The following SYTL2 variants were observed in gnomAD, a reference collection of about 807,000 sequenced individuals.
The protein encoded by SYTL2 is synaptotagmin-like protein 2.
A neutral mutation model predicts 198.7 loss-of-function variants in SYTL2; 165 were observed. That is an observed-to-expected ratio of 0.83 (90% CI 0.73 to 0.94). The LOEUF (loss-of-function observed/expected upper bound fraction) is 0.94, where lower values mean the gene tolerates loss of function less well. SYTL2 is among the 40% of genes least tolerant of loss of function. The pLI is 0.00. For missense variants in SYTL2, 2,835 were observed against 2,582.8 expected, an observed-to-expected ratio of 1.10 and a Z score of -2.12; for synonymous variants, 966 against 917.7, an observed-to-expected ratio of 1.05 and a Z score of -0.95.
At chr11:85,824,228 G>C in the SYTL2 span, among the ~76,000 whole-genome samples, 1 of 152,138 alleles carries the variant, frequency 6.6e-6, no homozygotes, top group African/African-American at 2.4e-5. Context: ...GAAGATTGGA[G>C]AGGTTAGGAT....
chr11:85,736,579 C>T lies in SYTL2; in HGVS notation c.508G>A (p.Glu170Lys). The T allele has an allele frequency of 1.2e-5, 19 of 1,606,024 alleles. No individual in the cohort carries two copies. The highest frequency in any genetic ancestry group is 1.6e-5 in the Non-Finnish European group (19 of 1,173,928). ...KNPFNSSKLP[E>K]GHSSQQTKNE... ...TTAGTTTGTTGTGATGAGTGACCTT[C>T]TGGCAACTTGGAGCTATTAAACGGA... The change falls in exon 6 of 20, where the codon GAA (glutamate) becomes AAA (lysine). Residue 170 changes from glutamate to lysine, a missense_variant. By Grantham distance (56) the Glu-to-Lys change is moderately conservative. This residue lies in a region of SYTL2 where 2,645 missense variants were observed against 2,381.7 expected (regional missense o/e 1.11). Coordinates refer to ENST00000359152, the MANE Select transcript of SYTL2 (RefSeq NM_206927.4).
chr11:85,748,864 T>A (rs117124089), intron 2 of SYTL2, among the ~76,000 whole-genome samples: 10,863 of 152,246 alleles, frequency 0.071, 694 homozygotes, highest in Non-Finnish European at 0.096. Flanking sequence ...ATTCAATAGC[T>A]CTCTGCACCT....
chr11:85,727,756 G>T lies in SYTL2; in HGVS notation c.1602C>A (p.Asp534Glu), dbSNP rs1165521392. 2 of 1,560,942 alleles carry T rather than the reference G, an allele frequency of 1.3e-6. No individual in the cohort carries two copies. The highest frequency in any genetic ancestry group is 1.7e-6 in the Non-Finnish European group (2 of 1,152,044). Reference sequence around the variant, plus strand: ...GGGGATGTTGGAGGAATGACTTATTGTCATCTGAATAAGAACTTCGGTTAA... The same window carrying T: ...GGGGATGTTGGAGGAATGACTTATTTTCATCTGAATAAGAACTTCGGTTAA... Reference protein sequence around the residue: ...DWFNRSSYSDDNKSFLQHPRG... With the variant: ...DWFNRSSYSDENKSFLQHPRG... The change falls in exon 8 of 20, where the codon GAC (aspartate) becomes GAA (glutamate). Residue 534 changes from aspartate to glutamate, a missense_variant. Around this residue, in one of 3 missense-constraint regions of SYTL2, gnomAD observed 2,645 missense variants for 2,381.7 expected, o/e 1.11. Transcript: ENST00000359152.
intron 17 of SYTL2, among the ~76,000 whole-genome samples, chr11:85,698,363 A>AC (rs1241627534): frequency 6.6e-6 from 1 of 152,222 alleles, no homozygotes; most frequent in Non-Finnish European, 1.5e-5. Context: ...AAAATCAAAC[A>AC]CCAGGAATGT....
At chr11:85,729,852 A>G (rs1170372865) in intron 7 of SYTL2, among the ~76,000 whole-genome samples, 1 of 152,206 alleles carries the variant, frequency 6.6e-6, no homozygotes, top group East Asian at 1.9e-4. Flanking sequence ...ACCATTAGCC[A>G]GACTAATAAG....
At chr11:85,826,721 C>G in the SYTL2 span, among the ~76,000 whole-genome samples, 1 of 152,242 alleles carries the variant, frequency 6.6e-6, no homozygotes, top group Non-Finnish European at 1.5e-5. Flanking sequence ...GCTCGTTTAA[C>G]TCCCTTCAGC....
At chr11:85,826,680 A>C in the SYTL2 span, among the ~76,000 whole-genome samples, 9 of 152,200 alleles carry the variant, frequency 5.9e-5, no homozygotes, top group Non-Finnish European at 1.2e-4. Flanking sequence ...TCAGAGAGAG[A>C]GCTCTCACTT....
chr11:85,698,669 A>C (rs1460041567), intron 17 of SYTL2, among the ~76,000 whole-genome samples: 1 of 152,084 alleles, frequency 6.6e-6, no homozygotes, highest in East Asian at 1.9e-4. Context: ...CTCCCAGAGG[A>C]GCTGCAACTA....
chr11:85,745,879 T>A, intron 3 of SYTL2, 107 bp from the exon 4 acceptor site: 1 of 1,162,132 alleles, frequency 8.6e-7, no homozygotes, highest in Admixed American at 2.1e-5. Context: ...CCTCAGGCCT[T>A]CCCAGTGCCA....
chr11:85,826,210 T>C, the SYTL2 span, among the ~76,000 whole-genome samples: 2 of 152,198 alleles, frequency 1.3e-5, no homozygotes, highest in African/African-American at 4.8e-5. Flanking sequence ...ACATTAAACA[T>C]TGAAAAGCAC....
chr11:85,787,630 G>T (rs1361020440), intron 1 of SYTL2, among the ~76,000 whole-genome samples: 3 of 151,376 alleles, frequency 2.0e-5, no homozygotes, highest in Admixed American at 2.0e-4. Context: ...CATCACTTCA[G>T]AAAGCAACTT....
chr11:85,836,853 T>C, the SYTL2 span, among the ~76,000 whole-genome samples: 46 of 152,310 alleles, frequency 3.0e-4, no homozygotes, highest in Admixed American at 1.6e-3. Context: ...GATACATAGA[T>C]AGATGATTAA....
chr11:85,851,384 G>C, the SYTL2 span, among the ~76,000 whole-genome samples: 4 of 152,130 alleles, frequency 2.6e-5, no homozygotes, highest in African/African-American at 9.7e-5. Flanking sequence ...TTCCTAGTTC[G>C]GGTCTTTACA....
Position 85,733,962 on chromosome 11 carries a change from G to C in SYTL2, c.1367C>G (p.Ser456Cys). 6.2e-7 allele frequency: 1 copy of C among 1,614,046 alleles called. No individual in the cohort carries two copies. Among genetic ancestry groups the C allele is most frequent in the Non-Finnish European group, 8.5e-7 (1 of 1,179,918 alleles). Residue 456 changes from serine to cysteine, a missense_variant, in exon 7 of 20, where the codon TCT (serine) becomes TGT (cysteine). Transcript: ENST00000359152. The part of the protein sequence containing the change: ...DKSSELTRLE[S>C]VLPRSPADEL... ...ACCAGCAGGGCTTCTGGGTAATACA[G>C]ATTCAAGCCTTGTTAATTCTGATGA... is the stretch of plus-strand genomic sequence containing the variant.
chr11:85,784,065 C>A (rs954124248), intron 1 of SYTL2, among the ~76,000 whole-genome samples: 2 of 152,192 alleles, frequency 1.3e-5, no homozygotes, highest in African/African-American at 4.8e-5. Context: ...GTGCCCATGG[C>A]AGGCTTCCTA....
At chr11:85,784,374 A>G (rs1445896757) in intron 1 of SYTL2, among the ~76,000 whole-genome samples, 1 of 152,216 alleles carries the variant, frequency 6.6e-6, no homozygotes, top group African/African-American at 2.4e-5. Context: ...AAATAGAAAA[A>G]AAAAAAATTA....
chr11:85,816,519 G>C, the SYTL2 span, among the ~76,000 whole-genome samples: 1 of 152,198 alleles, frequency 6.6e-6, no homozygotes, highest in African/African-American at 2.4e-5. Context: ...TGGATACAGA[G>C]TCTCAGTGTG....
intron 1 of SYTL2, among the ~76,000 whole-genome samples, chr11:85,791,697 A>G (rs1481086891): frequency 1.3e-5 from 2 of 152,108 alleles, no homozygotes; most frequent in African/African-American, 4.8e-5. Flanking sequence ...ACGTACCTGA[A>G]GACTCTTTTG....
the SYTL2 span, among the ~76,000 whole-genome samples, chr11:85,843,332 C>T: frequency 6.6e-6 from 1 of 152,170 alleles, no homozygotes; most frequent in Non-Finnish European, 1.5e-5. Flanking sequence ...CATGCCACTG[C>T]ACTCCAGCCT....
Sources: gnomAD v4.1 joint callset for allele counts (sites outside exome capture counted in the v4.1 genomes callset) on GRCh38, gnomAD v4.1.1 for gene constraint, gnomAD v4.1.1 regional missense constraint, MANE v1.5 for transcripts, NCBI Gene and HGNC (gene_info 2026-07-23, HGNC 2026-07-21) for gene names.